Variants in BRCA2 observed in about 807,000 individuals in gnomAD.
BRCA2 encodes the protein BRCA2 DNA repair associated.
Under a neutral mutation model 276.7 loss-of-function variants are expected in BRCA2, and 203 were observed. The observed-to-expected ratio is 0.73, with a 90% CI of 0.65 to 0.82. The LOEUF (loss-of-function observed/expected upper bound fraction) is 0.82. Among genes scored for constraint, BRCA2 ranks in the 40% least tolerant of loss-of-function variants. BRCA2 has a pLI of 0.00. For synonymous variants in BRCA2, 1,289 were observed against 1,338.4 expected (o/e 0.96, Z 0.81); for missense variants, 3,920 against 3,915.0 (o/e 1.00, Z -0.03).
rs552441343 is a variant in BRCA2 at position 32,342,695 on chromosome 13, C to T, written c.6841+1499C>T. Among the ~76,000 whole-genome samples, 48 of 152,276 alleles carry T rather than the reference C, an allele frequency of 3.2e-4. No individual in the cohort carries two copies. In the South Asian group the frequency reaches 9.5e-3, roughly 30 times the overall value. On this transcript the variant is annotated intron_variant, in intron 11 of 26. Transcript: ENST00000380152. ...CTGAATACTCTAGGCAGTTTTAACA[C>T]AGTGGCAAGCATTTGTGTATGTGAA... is the stretch of plus-strand genomic sequence containing the variant.
intron 24 of BRCA2, among the ~76,000 whole-genome samples, chr13:32,393,479 T>A (rs979119041): frequency 3.1e-4 from 47 of 152,266 alleles, no homozygotes; most frequent in African/African-American, 1.1e-3. Context: ...TTTTTTTTTT[T>A]AGCTTTGACC....
At chr13:32,349,814 C>CA (rs11327981) in intron 13 of BRCA2, among the ~76,000 whole-genome samples, 47,683 of 115,478 alleles carry the variant, frequency 0.41, 9,720 homozygotes, top group Middle Eastern at 0.48. Flanking sequence ...GACCCCACAT[C>CA]AAAAAAAAAA....
At chr13:32,397,963 T>G (rs767214480) in intron 26 of BRCA2, among the ~76,000 whole-genome samples, 199 bp from the exon 27 acceptor site, 4 of 152,354 alleles carry the variant, frequency 2.6e-5, no homozygotes, top group Non-Finnish European at 4.4e-5. Context: ...TCATGTCATT[T>G]TATATGTTCT....
chr13:32,330,084 A>G (rs1271581422), intron 8 of BRCA2, among the ~76,000 whole-genome samples: 1 of 152,178 alleles, frequency 6.6e-6, no homozygotes, highest in Non-Finnish European at 1.5e-5. Flanking sequence ...TGTGTAACCA[A>G]CCATCCCTTA....
intron 13 of BRCA2, among the ~76,000 whole-genome samples, chr13:32,348,395 G>A (rs548227993): frequency 6.6e-6 from 1 of 152,184 alleles, no homozygotes; most frequent in South Asian, 2.1e-4. Flanking sequence ...GCACATCCTT[G>A]TGAATTTTTA....
In BRCA2 at chr13:32,380,306, A is replaced by G. The variant is rs371726539; in HGVS notation, c.9256+161A>G. Among the ~76,000 whole-genome samples the G allele has an allele frequency of 7.9e-5, 12 of 152,158 alleles. No individual in the cohort carries two copies. The East Asian group carries it at 1.7e-3, about 22-fold the overall frequency. On this transcript the variant is annotated intron_variant, in intron 24 of 26. Transcript: ENST00000380152. ...AACCTCTGATTTTTCATGAAAAGCA[A>G]TTCTCTCAATTCTATATTATTTCAA...
Position 32,362,509 on chromosome 13 carries a change from T to C in BRCA2, c.7806-14T>C, listed in dbSNP as rs9534262. ...TGTGGTTTTTATGATAATATTCTACTTTTATTTGTTCAGGGCTCTGTGTGA... is the reference window on the plus strand; with the variant it reads ...TGTGGTTTTTATGATAATATTCTACCTTTATTTGTTCAGGGCTCTGTGTGA... On this transcript the variant is annotated splice_polypyrimidine_tract_variant and intron_variant, in intron 16 of 26. Coordinates refer to ENST00000380152, the MANE Select transcript of BRCA2 (RefSeq NM_000059.4). 0.53 allele frequency: 845,330 copies of C among 1,608,568 alleles called. 223,310 individuals carry two copies. Among genetic ancestry groups the C allele is most frequent in the East Asian group, 0.6 (27,077 of 44,830 alleles).
At chr13:32,349,216 C>CAAAAAAA (rs55777417) in intron 13 of BRCA2, among the ~76,000 whole-genome samples, 2 of 98,194 alleles carry the variant, frequency 2.0e-5, no homozygotes, top group African/African-American at 8.7e-5. Flanking sequence ...GACTCTGTCT[C>CAAAAAAA]AAAAAAAAAA....
chr13:32,338,075 G>A lies in BRCA2; in HGVS notation c.3720G>A (p.Leu1240=), dbSNP rs773240495. 12 of 1,611,300 alleles carry A rather than the reference G, an allele frequency of 7.4e-6. No individual in the cohort carries two copies. The East Asian group carries it at 2.0e-4, about 27-fold the overall frequency. ...AAGCTCTGCAAAAAGCTGTGAAACTGTTTAGTGATATTGAGAATATTAGTG... is the reference window on the plus strand; with the variant it reads ...AAGCTCTGCAAAAAGCTGTGAAACTATTTAGTGATATTGAGAATATTAGTG... ...STEALQKAVK[L]FSDIENISEE... is the part of the protein sequence containing the mutation. The change falls in exon 11 of 27, where the codon CTG becomes CTA. Residue 1240 remains leucine (L), a synonymous_variant. Transcript: ENST00000380152.
chr13:32,381,406 T>C (rs1318680851), intron 24 of BRCA2, among the ~76,000 whole-genome samples: 1 of 152,132 alleles, frequency 6.6e-6, no homozygotes, highest in Non-Finnish European at 1.5e-5. Context: ...GAGAGGGATG[T>C]AATTTTAGAT....
chr13:32,378,506 G>A (rs978019515), intron 21 of BRCA2, among the ~76,000 whole-genome samples: 2 of 152,166 alleles, frequency 1.3e-5, no homozygotes, highest in Non-Finnish European at 2.9e-5. Context: ...AACACTGCCT[G>A]CATATTTAGA....
At chr13:32,330,355 A>G (rs1001005352) in intron 8 of BRCA2, among the ~76,000 whole-genome samples, 2 of 152,218 alleles carry the variant, frequency 1.3e-5, no homozygotes, top group South Asian at 4.1e-4. Flanking sequence ...CTTACCATAG[A>G]TGTCGCAGTA....
In BRCA2 at chr13:32,346,884, G is replaced by C. The variant is rs786202536; in HGVS notation, c.6995G>C (p.Cys2332Ser). The change falls in exon 13 of 27, where the codon TGT becomes TCT. Residue 2332 changes from cysteine (C) to serine (S), a missense_variant. Transcript: ENST00000380152. ...MHHVSLEPIT[C>S]VPFRTTKERQ... ...CATGTTTCTTTAGAGCCGATTACCT[G>C]TGTACCCTTTCGGTAAGACATGTTT... is the stretch of plus-strand genomic sequence containing the variant. The C allele has an allele frequency of 6.2e-7, 1 of 1,608,622 alleles. No homozygotes were observed. The highest frequency in any genetic ancestry group is 8.5e-7 in the Non-Finnish European group (1 of 1,177,090).
Position 32,344,551 on chromosome 13 carries a change from T to G in BRCA2, c.6842-7T>G, listed in dbSNP as rs1566236840. The G allele has an allele frequency of 1.3e-6, 2 of 1,497,438 alleles. No individual in the cohort carries two copies. Among genetic ancestry groups the G allele is most frequent in the Non-Finnish European group, 1.9e-6 (2 of 1,078,918 alleles). 92.8% of individuals were successfully genotyped at this position (1,497,438 alleles called of 1,614,324 possible). On this transcript the variant is annotated splice_region_variant and splice_polypyrimidine_tract_variant and intron_variant, in intron 11 of 26. Transcript: ENST00000380152. ...CTTAAAAACATATATGAAATATTTCTTTTTAGGAGAACCCTCAATCAAAAG... is the reference window on the plus strand; with the variant it reads ...CTTAAAAACATATATGAAATATTTCGTTTTAGGAGAACCCTCAATCAAAAG...
At chr13:32,318,870 A>G (rs1453344235) in intron 2 of BRCA2, among the ~76,000 whole-genome samples, 1 of 152,254 alleles carries the variant, frequency 6.6e-6, no homozygotes, top group African/African-American at 2.4e-5. Flanking sequence ...GTTAAATGCC[A>G]TCTTGTAACT....
rs1593202427 is a variant in BRCA2, at chr13:32,398,686, C to A, written c.10173C>A (p.Ile3391=). ...RLKRRCTTSL[I]KEQESSQAST... ...AACGACGTTGTACTACATCTCTGAT[C>A]AAAGAACAGGAGAGTTCCCAGGCCA... Residue 3391 remains isoleucine, a synonymous_variant, in exon 27 of 27, where the codon ATC becomes ATA. Transcript: ENST00000380152. 6.2e-7 allele frequency: 1 copy of A among 1,614,066 alleles called. No homozygotes were observed. The highest frequency in any genetic ancestry group is 8.5e-7 in the Non-Finnish European group (1 of 1,180,006).
rs80358607 is a variant in BRCA2 at position 32,337,953 on chromosome 13, T to A, written c.3598T>A (p.Cys1200Ser). The change falls in exon 11 of 27, where the codon TGT (cysteine) becomes AGT (serine). Residue 1200 changes from cysteine (C) to serine (S), a missense_variant. Physicochemically the swap from Cys to Ser is moderately radical, Grantham distance 112. This residue lies in a region of BRCA2 where 3,263 missense variants were observed against 3,156.9 expected (regional missense o/e 1.03). Transcript: ENST00000380152. Reference protein sequence around the residue: ...RKFAGLLKNDCNKSASGYLTD... With the variant: ...RKFAGLLKNDSNKSASGYLTD... ...GTTTGCTGGCCTGTTGAAAAATGAC[T>A]GTAACAAAAGTGCTTCTGGTTATTT... 1.2e-6 allele frequency: 2 copies of A among 1,614,014 alleles called. No individual in the cohort carries two copies. The highest frequency in any genetic ancestry group is 2.2e-5 in the South Asian group (2 of 91,076).
At chr13:32,334,619 A>G (rs958861629) in intron 10 of BRCA2, among the ~76,000 whole-genome samples, 1 of 151,902 alleles carries the variant, frequency 6.6e-6, no homozygotes, top group Non-Finnish European at 1.5e-5. Flanking sequence ...GGCTGCAGTG[A>G]ACCAAAATTG....
intron 20 of BRCA2, 104 bp downstream of exon 20, chr13:32,371,204 G>A: frequency 1.6e-6 from 2 of 1,255,492 alleles, no homozygotes; most frequent in East Asian, 2.5e-5. Context: ...TTTATTTTGA[G>A]TAGTAAATTG....
Sources: gnomAD v4.1 joint callset for allele counts (sites outside exome capture counted in the v4.1 genomes callset) on GRCh38, gnomAD v4.1.1 for gene constraint, gnomAD v4.1.1 regional missense constraint, MANE v1.5 for transcripts, NCBI Gene and HGNC (gene_info 2026-07-23, HGNC 2026-07-21) for gene names.